LIMS2: variants seen among roughly 807,000 people sequenced by gnomAD.
The protein encoded by LIMS2 is LIM zinc finger domain containing 2, also known as LIM and senescent cell antigen-like-containing domain protein 2.
A neutral mutation model predicts 45.3 loss-of-function variants in LIMS2; 30 were observed. That is an observed-to-expected ratio of 0.66 (90% CI 0.50 to 0.90). LIMS2 has a LOEUF of 0.90. LIMS2 is among the 40% of genes least tolerant of loss of function. The pLI, the probability that LIMS2 is intolerant of heterozygous loss-of-function variation, is 0.00. For synonymous variants in LIMS2, 173 were observed against 188.0 expected, an observed-to-expected ratio of 0.92 and a Z score of 0.65; for missense variants, 485 against 468.7, an observed-to-expected ratio of 1.03 and a Z score of -0.32.
Position 127,672,917 on chromosome 2 carries a change from A to G in LIMS2, c.11+2097T>C, listed in dbSNP as rs1259973649. Among the ~76,000 whole-genome samples, 1 of 152,242 alleles carries G rather than the reference A, an allele frequency of 6.6e-6. No homozygotes were observed. Among genetic ancestry groups the G allele is most frequent in the Admixed American group, 6.5e-5 (1 of 15,282 alleles). ...CAGCATGGGGGATCCCGAGAGAACC[A>G]GGATCCAGGCACGAGGAGCTGCCCG... is the stretch of plus-strand genomic sequence containing the variant. On this transcript the variant is annotated intron_variant, in intron 1 of 9. Coordinates refer to ENST00000355119, the MANE Select transcript of LIMS2 (RefSeq NM_001161403.3). The surrounding 1 kb of genome is among the most constrained non-coding windows in gnomAD (Gnocchi z 4.9).
chr2:127,674,850 C>G (rs1685433450), intron 1 of LIMS2, 164 bp downstream of exon 1: 4 of 985,368 alleles, frequency 4.1e-6, no homozygotes, highest in Non-Finnish European at 4.8e-6. Context: ...CTGGGGGACC[C>G]CTGCCCCGAC....
chr2:127,640,836 G>A (rs558776408), intron 7 of LIMS2, 60 bp downstream of exon 7: 51 of 1,487,530 alleles, frequency 3.4e-5, no homozygotes, highest in Admixed American at 1.0e-4. Flanking sequence ...CCTTGCTCAC[G>A]GCAGCTCTCC....
At position 127,664,742 on chromosome 2, in the gene LIMS2, C is replaced by T. The variant is rs1031416069; in HGVS notation, c.12-7180G>A. ...ACACCCAGGAGGTCTCCGGCTGCCACCTGCCAGGAGGAAAGCCTGTGCCCG... is the reference window on the plus strand; with the variant it reads ...ACACCCAGGAGGTCTCCGGCTGCCATCTGCCAGGAGGAAAGCCTGTGCCCG... On this transcript the variant is annotated intron_variant, in intron 1 of 9. Coordinates refer to ENST00000355119, the MANE Select transcript of LIMS2 (RefSeq NM_001161403.3). The surrounding 1 kb of genome is among the most constrained non-coding windows in gnomAD (Gnocchi z 5.5). 3.0e-5 allele frequency: 11 copies of T among 366,934 alleles called. No individual in the cohort carries two copies. Among genetic ancestry groups the T allele is most frequent in the South Asian group, 1.1e-4 (1 of 9,050 alleles). 22.7% of individuals were successfully genotyped at this position (366,934 alleles called of 1,614,324 possible).
upstream of LIMS2, among the ~76,000 whole-genome samples, chr2:127,677,146 CCCACAGT>C (rs1374079929): frequency 6.6e-6 from 1 of 152,168 alleles, no homozygotes. This position sits in a 1 kb window ranked among gnomAD's most constrained non-coding sequence, Gnocchi z 5.0. Context: ...GGGCCAGCCT[CCCACAGT>C]TCAGCCAAGA....
intron 1 of LIMS2, among the ~76,000 whole-genome samples, chr2:127,658,529 C>T (rs553346969): frequency 3.3e-5 from 5 of 152,296 alleles, no homozygotes; most frequent in Admixed American, 3.3e-4. Context: ...GGGTGAAATG[C>T]GAACTACAGG....
In LIMS2 at chr2:127,642,615, GC is replaced by G; in HGVS notation, c.509+307del. 10 of 410,718 alleles carry G rather than the reference GC, an allele frequency of 2.4e-5. 1 individual carries two copies. The South Asian group carries it at 3.8e-4, about 16-fold the overall frequency. The allele number at this position is 410,718 out of a possible 1,614,324, so 25.4% of individuals were successfully genotyped here. A position where few individuals can be genotyped will look rare whatever the true frequency, so the allele number is the denominator to read the frequency against. On this transcript the variant is annotated intron_variant, in intron 5 of 9. Coordinates refer to ENST00000355119, the MANE Select transcript of LIMS2 (RefSeq NM_001161403.3). This position sits in a 1 kb window ranked among gnomAD's most constrained non-coding sequence, Gnocchi z 5.3. ...AAGCCCACTCCCGGTCTCTTGCCCT[GC>G]CCCCTCAGGTCCCTTCCACTGCTCC...
rs1350290812 is a variant in LIMS2, at chr2:127,653,864, G to A, written c.359+560C>T. Among the ~76,000 whole-genome samples the A allele has an allele frequency of 1.6e-4, 24 of 152,080 alleles. No homozygotes were observed. Among genetic ancestry groups the A allele is most frequent in the Admixed American group, 9.8e-4 (15 of 15,276 alleles). ...CCTTCAGAAAGGACGAGAGAGTGGCGTGGAGAAGCAAGCCCTGGAGAAAGT... is the reference window on the plus strand; with the variant it reads ...CCTTCAGAAAGGACGAGAGAGTGGCATGGAGAAGCAAGCCCTGGAGAAAGT... On this transcript the variant is annotated intron_variant, in intron 4 of 9. Coordinates refer to ENST00000355119, the MANE Select transcript of LIMS2 (RefSeq NM_001161403.3). The surrounding 1 kb of genome is among the most constrained non-coding windows in gnomAD (Gnocchi z 5.3).
Position 127,664,501 on chromosome 2 carries a change from G to T in LIMS2, c.12-6939C>A. On this transcript the variant is annotated intron_variant, in intron 1 of 9. Transcript: ENST00000355119. The surrounding 1 kb of genome is among the most constrained non-coding windows in gnomAD (Gnocchi z 5.5). ...TGGGGCCAGACACCAAGACGGGACGGGCGTGTGGGCGCCTCCCCCGCGCTG... is the reference window on the plus strand; with the variant it reads ...TGGGGCCAGACACCAAGACGGGACGTGCGTGTGGGCGCCTCCCCCGCGCTG... The T allele has an allele frequency of 8.6e-7, 1 of 1,157,476 alleles. No homozygotes were observed. The highest frequency in any genetic ancestry group is 4.4e-5 in the South Asian group (1 of 22,832). The allele number at this position is 1,157,476 out of a possible 1,614,324, so 71.7% of individuals were successfully genotyped here.
Position 127,642,648 on chromosome 2 carries a change from A to G in LIMS2, c.509+275T>C, listed in dbSNP as rs1682552573. The G allele has an allele frequency of 4.2e-6, 2 of 473,698 alleles. No individual in the cohort carries two copies. Among genetic ancestry groups the G allele is most frequent in the Non-Finnish European group, 7.6e-6 (2 of 262,760 alleles). 29.3% of individuals were successfully genotyped at this position (473,698 alleles called of 1,614,324 possible). On this transcript the variant is annotated intron_variant, in intron 5 of 9. Coordinates refer to ENST00000355119, the MANE Select transcript of LIMS2 (RefSeq NM_001161403.3). The surrounding 1 kb of genome is among the most constrained non-coding windows in gnomAD (Gnocchi z 5.3). Reference sequence around the variant, plus strand: ...AGGTCCCTTCCACTGCTCCATCTCAACCCTCGTCTGCAGTCTAGGGGTCCA... The same window carrying G: ...AGGTCCCTTCCACTGCTCCATCTCAGCCCTCGTCTGCAGTCTAGGGGTCCA...
At position 127,651,048 on chromosome 2, in the gene LIMS2, C is replaced by T. The variant is rs151039883; in HGVS notation, c.359+3376G>A. 1.1e-3 allele frequency: 1,807 copies of T among 1,613,728 alleles called. 3 individuals carry two copies. Among genetic ancestry groups the T allele is most frequent in the Non-Finnish European group, 1.3e-3 (1,568 of 1,180,040 alleles). ...CTGGCCATTTGGGGAAATCGCATGC[C>T]GTCTCACCGGCTTCCTCTTCTACCT... On this transcript the variant is annotated intron_variant, in intron 4 of 9. Coordinates refer to ENST00000355119, the MANE Select transcript of LIMS2 (RefSeq NM_001161403.3).
At chr2:127,675,968 G>A (rs545562504), upstream of LIMS2, among the ~76,000 whole-genome samples, 5 of 152,370 alleles carry the variant, frequency 3.3e-5, no homozygotes, top group East Asian at 9.6e-4. Flanking sequence ...AGGTTTCCAG[G>A]GGAACCAGGC....
chr2:127,663,151 C>T (rs927932612), intron 1 of LIMS2, among the ~76,000 whole-genome samples: 2 of 152,200 alleles, frequency 1.3e-5, no homozygotes, highest in Non-Finnish European at 2.9e-5. Flanking sequence ...CACTCCAGAA[C>T]AGCCTTGGGG....
At position 127,672,537 on chromosome 2, in the gene LIMS2, C is replaced by T. The variant is rs1685315177; in HGVS notation, c.11+2477G>A. On this transcript the variant is annotated intron_variant, in intron 1 of 9. Transcript: ENST00000355119. This position sits in a 1 kb window ranked among gnomAD's most constrained non-coding sequence, Gnocchi z 4.9. ...ATCACAGGAGGGGCATCCTCCCGAGCCCCACCCTCTGTGGCCCACCTCACA... is the reference window on the plus strand; with the variant it reads ...ATCACAGGAGGGGCATCCTCCCGAGTCCCACCCTCTGTGGCCCACCTCACA... 6.6e-6 allele frequency among the ~76,000 whole-genome samples: 1 copy of T among 152,202 alleles called. No homozygotes were observed. The highest frequency in any genetic ancestry group is 2.4e-5 in the African/African-American group (1 of 41,454).
intron 1 of LIMS2, among the ~76,000 whole-genome samples, chr2:127,663,034 A>G (rs543623573): frequency 3.5e-4 from 53 of 152,358 alleles, no homozygotes; most frequent in African/African-American, 1.3e-3. Context: ...TCAAAGAAAA[A>G]CAGTGTGAAT....
intron 4 of LIMS2, chr2:127,650,687 A>C: frequency 6.6e-7 from 1 of 1,523,316 alleles, no homozygotes; most frequent in East Asian, 2.3e-5. Context: ...TCGCAAGCTC[A>C]TTGTGAACTG....
At chr2:127,649,560 C>T (rs549526561) in intron 4 of LIMS2, among the ~76,000 whole-genome samples, 429 of 152,352 alleles carry the variant, frequency 2.8e-3, no homozygotes, top group Non-Finnish European at 4.9e-3. Flanking sequence ...TTCCGGGCTG[C>T]GGGCTGCTCT....
In LIMS2 at chr2:127,642,929, T is replaced by C; in HGVS notation, c.503A>G (p.His168Arg). 4 of 1,561,768 alleles carry C rather than the reference T, an allele frequency of 2.6e-6. No individual in the cohort carries two copies. Among genetic ancestry groups the C allele is most frequent in the Non-Finnish European group, 3.5e-6 (4 of 1,153,096 alleles). ...GGCCGGGCTGCGCACCTACCCACAG[T>C]GGGTGCAGTTGAAGTGGTCAGGGTG... is the stretch of plus-strand genomic sequence containing the variant. Reference protein sequence around the residue: ...AYHPDHFNCTHCGKELTAEAR... With the variant: ...AYHPDHFNCTRCGKELTAEAR... Residue 168 changes from histidine (H) to arginine (R), a missense_variant, in exon 5 of 10, where the codon CAC (histidine) becomes CGC (arginine). By Grantham distance (29) the His-to-Arg change is conservative. Transcript: ENST00000355119. The surrounding 1 kb of genome is among the most constrained non-coding windows in gnomAD (Gnocchi z 5.3).
intron 4 of LIMS2, chr2:127,652,035 C>G (rs562880182): frequency 4.2e-6 from 2 of 472,142 alleles, no homozygotes; most frequent in Non-Finnish European, 7.8e-6. Flanking sequence ...GGAAGAACAA[C>G]CCCTGAACAA....
Position 127,651,143 on chromosome 2 carries a change from G to A in LIMS2, c.359+3281C>T, listed in dbSNP as rs61749489. On this transcript the variant is annotated intron_variant, in intron 4 of 9. Coordinates refer to ENST00000355119, the MANE Select transcript of LIMS2 (RefSeq NM_001161403.3). ...ACCGTTTCCTGGCCATTGTGCACCC[G>A]GTCAAGTCCCTCAAGCTCCGCAGGC... 994 of 1,613,216 alleles carry A rather than the reference G, an allele frequency of 6.2e-4. 3 individuals carry two copies. The highest frequency in any genetic ancestry group is 5.4e-3 in the East Asian group (243 of 44,884).
Sources: allele counts gnomAD v4.1 joint callset (sites outside exome capture counted in the v4.1 genomes callset), GRCh38; gene constraint gnomAD v4.1.1; non-coding constraint Gnocchi (gnomAD v3.1); transcripts MANE v1.5; gene names NCBI Gene and HGNC (gene_info 2026-07-23, HGNC 2026-07-21).